The following PTPRG variants were observed in gnomAD, a reference collection of about 807,000 sequenced individuals.
PTPRG encodes the protein protein tyrosine phosphatase receptor type G, also known as receptor-type tyrosine-protein phosphatase gamma.
In PTPRG, 102 loss-of-function variants were observed where a neutral mutation model predicts 165.3. That is an observed-to-expected ratio of 0.62 (90% CI 0.53 to 0.73). The LOEUF is 0.73. Ranked by LOEUF, PTPRG falls within the 30% of genes least tolerant of loss-of-function variation. PTPRG has a pLI of 0.00. For missense variants in PTPRG, 1,866 were observed against 1,861.4 expected (o/e 1.00, Z -0.05); for synonymous variants, 675 against 669.5 (o/e 1.01, Z -0.13).
chr3:62,059,063 T>C (rs561484072), intron 4 of PTPRG, among the ~76,000 whole-genome samples: 3 of 152,282 alleles, frequency 2.0e-5, no homozygotes. Context: ...GGGGCACAGA[T>C]TGTAGAGTCA....
chr3:61,879,777 G>A (rs2107466777), intron 2 of PTPRG, among the ~76,000 whole-genome samples: 1 of 152,334 alleles, frequency 6.6e-6, no homozygotes, highest in Admixed American at 6.5e-5. Flanking sequence ...AATAGTGAGA[G>A]TGGACATTCT....
chr3:61,613,310 A>T (rs1231848594), intron 1 of PTPRG, among the ~76,000 whole-genome samples: 3 of 152,192 alleles, frequency 2.0e-5, no homozygotes, highest in African/African-American at 7.2e-5. Flanking sequence ...GAAGCTTTTC[A>T]TCTAGCAAAG....
At chr3:61,595,550 G>T (rs567193892) in intron 1 of PTPRG, among the ~76,000 whole-genome samples, 1 of 152,172 alleles carries the variant, frequency 6.6e-6, no homozygotes, top group African/African-American at 2.4e-5. Flanking sequence ...ATTTCATTTT[G>T]GTAACTTTAG....
At chr3:61,964,634 C>T (rs2040226486) in intron 2 of PTPRG, among the ~76,000 whole-genome samples, 1 of 152,182 alleles carries the variant, frequency 6.6e-6, no homozygotes, top group Non-Finnish European at 1.5e-5. Flanking sequence ...CAATAATTCT[C>T]CATTCATGTG....
chr3:62,267,935 G>C (rs1701937353), intron 19 of PTPRG, 116 bp downstream of exon 19: 1 of 1,201,674 alleles, frequency 8.3e-7, no homozygotes, highest in Non-Finnish European at 1.2e-6. Context: ...GAAATGAAAA[G>C]TGTTCTCTCT....
chr3:61,854,981 C>A (rs1053474814), intron 2 of PTPRG, among the ~76,000 whole-genome samples: 1 of 152,108 alleles, frequency 6.6e-6, no homozygotes, highest in African/African-American at 2.4e-5. Flanking sequence ...AGAGGGAATG[C>A]CGCTGGTTTA....
chr3:61,630,430 C>T (rs1335753145), intron 1 of PTPRG, among the ~76,000 whole-genome samples: 2 of 152,158 alleles, frequency 1.3e-5, no homozygotes, highest in Non-Finnish European at 2.9e-5. Flanking sequence ...TAAACTGTAA[C>T]ATATCTGGTT....
At chr3:62,039,850 C>T (rs1476969964) in intron 4 of PTPRG, among the ~76,000 whole-genome samples, 2 of 152,052 alleles carry the variant, frequency 1.3e-5, no homozygotes, top group African/African-American at 4.8e-5. Flanking sequence ...CCCCCAGCCA[C>T]AGAGCAGTGC....
intron 2 of PTPRG, among the ~76,000 whole-genome samples, chr3:61,791,552 A>G (rs774705199): frequency 9.9e-5 from 15 of 152,202 alleles, no homozygotes; most frequent in Non-Finnish European, 1.0e-4. Flanking sequence ...CAGTGGTGCT[A>G]TCTCGGGTAA....
At chr3:62,120,019 C>G (rs891301913) in intron 5 of PTPRG, among the ~76,000 whole-genome samples, 1 of 152,124 alleles carries the variant, frequency 6.6e-6, no homozygotes, top group African/African-American at 2.4e-5. Flanking sequence ...TTTCAACATC[C>G]AGATGCCCAG....
intron 4 of PTPRG, among the ~76,000 whole-genome samples, chr3:62,054,805 G>A (rs1700582799): frequency 6.6e-6 from 1 of 152,230 alleles, no homozygotes; most frequent in African/African-American, 2.4e-5. Flanking sequence ...GGAATTCAAA[G>A]ATGTGGTTTT....
At chr3:61,876,942 A>G (rs566884048) in intron 2 of PTPRG, among the ~76,000 whole-genome samples, 1 of 152,138 alleles carries the variant, frequency 6.6e-6, no homozygotes, top group Non-Finnish European at 1.5e-5. Context: ...GAGTGAGGTC[A>G]TAAAGTGTTG....
chr3:61,854,542 A>G (rs1430238919), intron 2 of PTPRG, among the ~76,000 whole-genome samples: 3 of 152,210 alleles, frequency 2.0e-5, no homozygotes, highest in Non-Finnish European at 4.4e-5. Flanking sequence ...ATTCATGGAC[A>G]TATGAATACA....
chr3:61,642,151 G>A (rs1406697910), intron 1 of PTPRG, among the ~76,000 whole-genome samples: 1 of 151,780 alleles, frequency 6.6e-6, no homozygotes, highest in South Asian at 2.1e-4. Context: ...TTATTAAATT[G>A]GTTCCTCTGG....
At chr3:61,914,399 G>A (rs1270403388) in intron 2 of PTPRG, among the ~76,000 whole-genome samples, 1 of 152,174 alleles carries the variant, frequency 6.6e-6, no homozygotes, top group Non-Finnish European at 1.5e-5. Flanking sequence ...CTAGAGAAAT[G>A]TTCCAGAGAA....
At chr3:61,662,152 CA>C (rs1449513612) in intron 1 of PTPRG, among the ~76,000 whole-genome samples, 1 of 152,200 alleles carries the variant, frequency 6.6e-6, no homozygotes, top group African/African-American at 2.4e-5. Context: ...CATATGTCCA[CA>C]AAATCTTTTT....
At chr3:61,865,578 T>A (rs577191199) in intron 2 of PTPRG, among the ~76,000 whole-genome samples, 5 of 152,340 alleles carry the variant, frequency 3.3e-5, no homozygotes, top group Non-Finnish European at 1.5e-5. Context: ...TTCATATGGA[T>A]GGCCCGATAC....
intron 4 of PTPRG, among the ~76,000 whole-genome samples, chr3:62,017,360 A>G (rs572126357): frequency 2.6e-5 from 4 of 152,178 alleles, no homozygotes; most frequent in South Asian, 4.1e-4. Flanking sequence ...AAATAAACAC[A>G]TTCATCCTCT....
chr3:62,038,504 C>T (rs963185341), intron 4 of PTPRG, among the ~76,000 whole-genome samples: 3 of 152,076 alleles, frequency 2.0e-5, no homozygotes, highest in Admixed American at 2.0e-4. Flanking sequence ...CTCAAGCTAT[C>T]CTCCCACCTC....
Sources: gnomAD v4.1 joint callset for allele counts (sites outside exome capture counted in the v4.1 genomes callset) on GRCh38, gnomAD v4.1.1 for gene constraint, MANE v1.5 for transcripts, NCBI Gene and HGNC (gene_info 2026-07-23, HGNC 2026-07-21) for gene names.